ARHGEF3: variants seen among roughly 807,000 people sequenced by gnomAD.
The protein encoded by ARHGEF3 is 59.8 kDA protein.
Under a neutral mutation model 63.2 loss-of-function variants are expected in ARHGEF3, and 28 were observed. That is an observed-to-expected ratio of 0.44 (90% CI 0.33 to 0.61). ARHGEF3 has a LOEUF of 0.61. Ranked by LOEUF, ARHGEF3 falls within the 20% of genes least tolerant of loss-of-function variation. The pLI is 0.03. For missense variants in ARHGEF3, 533 were observed against 659.3 expected, an observed-to-expected ratio of 0.81 and a Z score of 2.10; for synonymous variants, 266 against 254.2, an observed-to-expected ratio of 1.05 and a Z score of -0.44.
chr3:56,939,919 A>T (rs890933778), intron 3 of ARHGEF3: 4 of 152,186 alleles, frequency 2.6e-5, no homozygotes, highest in African/African-American at 9.7e-5. Flanking sequence ...TGGTTACCAT[A>T]GGAGTCACCA....
intron 6 of ARHGEF3, among the ~76,000 whole-genome samples, chr3:56,750,432 T>G (rs955211141): frequency 3.9e-5 from 6 of 152,160 alleles, no homozygotes; most frequent in Non-Finnish European, 7.4e-5. Flanking sequence ...ATGGATTATA[T>G]TAGGATGAAG....
At chr3:57,002,602 T>A (rs1309018812) in intron 2 of ARHGEF3, among the ~76,000 whole-genome samples, 9 of 145,554 alleles carry the variant, frequency 6.2e-5, no homozygotes, top group African/African-American at 2.0e-4. Flanking sequence ...GTAATATATA[T>A]ACTTTGAGTT....
At chr3:56,782,973 G>T (rs1307467304) in intron 1 of ARHGEF3, among the ~76,000 whole-genome samples, 1 of 152,196 alleles carries the variant, frequency 6.6e-6, no homozygotes, top group East Asian at 1.9e-4. Context: ...CTGTCTGCCT[G>T]AGCCAGTCAG....
intron 2 of ARHGEF3, among the ~76,000 whole-genome samples, chr3:56,972,642 C>A (rs1700963964): frequency 6.6e-6 from 1 of 151,902 alleles, no homozygotes; most frequent in Admixed American, 6.6e-5. Flanking sequence ...ATAGCTCATG[C>A]AAAGTTCCTG....
chr3:56,849,837 C>G (rs1009046469), intron 4 of ARHGEF3, among the ~76,000 whole-genome samples: 1 of 152,104 alleles, frequency 6.6e-6, no homozygotes, highest in African/African-American at 2.4e-5. Context: ...AAATACTGTG[C>G]CTGCATTCAT....
chr3:56,924,267 C>T (rs2042222977), intron 3 of ARHGEF3, among the ~76,000 whole-genome samples: 1 of 152,176 alleles, frequency 6.6e-6, no homozygotes, highest in African/African-American at 2.4e-5. Flanking sequence ...CCAAATTCAG[C>T]ACTCTTTTTA....
Position 57,019,039 on chromosome 3 carries a change from A to G in ARHGEF3, c.62+16049T>C, listed in dbSNP as rs934557585. Among the ~76,000 whole-genome samples, 10 of 152,336 alleles carry G rather than the reference A, an allele frequency of 6.6e-5. 1 individual carries two copies. In the South Asian group the frequency reaches 1.7e-3, roughly 25 times the overall value. On this transcript the variant is annotated intron_variant, in intron 2 of 12. Transcript: ENST00000338458. Reference sequence around the variant, plus strand: ...TGAGGGATGAGAATGACCGAGTCCAATGTTAAGCCACCTGGATTCATTGGG... The same window carrying G: ...TGAGGGATGAGAATGACCGAGTCCAGTGTTAAGCCACCTGGATTCATTGGG...
At chr3:56,773,316 A>C (rs2036104473) in intron 2 of ARHGEF3, among the ~76,000 whole-genome samples, 1 of 152,188 alleles carries the variant, frequency 6.6e-6, no homozygotes, top group Non-Finnish European at 1.5e-5. Context: ...CAGGTGGTGA[A>C]CTGGATTTTC....
intron 2 of ARHGEF3, among the ~76,000 whole-genome samples, chr3:56,967,452 TAC>T (rs374697597): frequency 1.1e-4 from 7 of 64,170 alleles, no homozygotes; most frequent in African/African-American, 3.1e-4. Context: ...TTATATATTA[TAC>T]ATATTATATA....
intron 1 of ARHGEF3, among the ~76,000 whole-genome samples, chr3:56,774,504 A>AT (rs1320724111): frequency 6.6e-6 from 1 of 152,218 alleles, no homozygotes; most frequent in Non-Finnish European, 1.5e-5. Flanking sequence ...TCACCTCCAC[A>AT]TAAAACATTA....
At chr3:56,959,164 A>G (rs2106747372) in intron 2 of ARHGEF3, among the ~76,000 whole-genome samples, 1 of 152,294 alleles carries the variant, frequency 6.6e-6, no homozygotes. Flanking sequence ...ATGCAATAAA[A>G]AAGTCAGACC....
chr3:56,917,388 C>T (rs745418568), intron 3 of ARHGEF3, among the ~76,000 whole-genome samples: 16 of 152,068 alleles, frequency 1.1e-4, no homozygotes, highest in Non-Finnish European at 1.6e-4. Context: ...AAGATTTAGC[C>T]CAGGGTTTCC....
At chr3:57,029,304 C>T (rs1341562471) in intron 2 of ARHGEF3, among the ~76,000 whole-genome samples, 1 of 152,130 alleles carries the variant, frequency 6.6e-6, no homozygotes, top group Admixed American at 6.5e-5. Context: ...GTGGCACATG[C>T]CTGTAATCAC....
chr3:57,058,973 C>G (rs1279252932), intron 1 of ARHGEF3, among the ~76,000 whole-genome samples: 2 of 128,140 alleles, frequency 1.6e-5, no homozygotes, highest in Non-Finnish European at 3.1e-5. Flanking sequence ...AGGGGAACAT[C>G]ACACACCAGG....
chr3:56,856,144 AT>A (rs1280376078), intron 4 of ARHGEF3, among the ~76,000 whole-genome samples: 1 of 152,232 alleles, frequency 6.6e-6, no homozygotes, highest in Non-Finnish European at 1.5e-5. Flanking sequence ...ATCTGAGTCC[AT>A]AACCAGTCAG....
chr3:57,002,479 T>TTATATATATATATATGTTA (rs1560122743), intron 2 of ARHGEF3, among the ~76,000 whole-genome samples: 1,069 of 39,408 alleles, frequency 0.027, 117 homozygotes, highest in East Asian at 0.072. Context: ...TATATATATG[T>TTATATATATATATATGTTA]TATATATATA....
chr3:56,833,588 C>A (rs1045191422), intron 4 of ARHGEF3, among the ~76,000 whole-genome samples: 20 of 152,168 alleles, frequency 1.3e-4, no homozygotes, highest in African/African-American at 4.8e-4. Context: ...TTTTATTTAT[C>A]TGTTCTCTTA....
At chr3:57,002,479 T>TA (rs1285310560) in intron 2 of ARHGEF3, among the ~76,000 whole-genome samples, 842 of 39,144 alleles carry the variant, frequency 0.022, 84 homozygotes, top group East Asian at 0.095. Context: ...TATATATATG[T>TA]TATATATATA....
At chr3:57,005,522 C>T (rs1702433561) in intron 2 of ARHGEF3, among the ~76,000 whole-genome samples, 1 of 152,148 alleles carries the variant, frequency 6.6e-6, no homozygotes, top group Non-Finnish European at 1.5e-5. Flanking sequence ...TGCAACGGGG[C>T]AATCTCAACA....
Sources: gnomAD v4.1 joint callset for allele counts (sites outside exome capture counted in the v4.1 genomes callset) on GRCh38, gnomAD v4.1.1 for gene constraint, MANE v1.5 for transcripts, NCBI Gene and HGNC (gene_info 2026-07-23, HGNC 2026-07-21) for gene names.